The following ZDHHC18 variants were observed in gnomAD, a reference collection of about 807,000 sequenced individuals.
ZDHHC18 encodes zDHHC palmitoyltransferase 18.
ZDHHC18 carries 23 observed loss-of-function variants against 37.5 expected under a neutral mutation model. The observed-to-expected ratio is 0.61, with a 90% CI of 0.44 to 0.87. ZDHHC18 has a LOEUF of 0.87. ZDHHC18 is among the 40% of genes least tolerant of loss of function. The pLI is 0.00. For missense variants in ZDHHC18, 406 were observed against 525.6 expected (o/e 0.77, Z 2.22); for synonymous variants, 185 against 218.7 (o/e 0.85, Z 1.36).
At chr1:26,852,989 G>A (rs2081714485) in intron 7 of ZDHHC18, 124 bp downstream of exon 7, 2 of 738,820 alleles carry the variant, frequency 2.7e-6, no homozygotes, top group South Asian at 3.9e-5. Flanking sequence ...CCCCCTGGAG[G>A]GCATTTGTCA....
chr1:26,852,887 G>C (rs1254799429), intron 7 of ZDHHC18, 22 bp downstream of exon 7: 1 of 1,610,432 alleles, frequency 6.2e-7, no homozygotes, highest in Admixed American at 1.7e-5. Flanking sequence ...GGGTGCGGAA[G>C]AGGGGTAACA....
chr1:26,832,058 A>G (rs993756852), intron 1 of ZDHHC18: 1 of 166,682 alleles, frequency 6.0e-6, no homozygotes, highest in African/African-American at 2.4e-5. Flanking sequence ...ACCTCAGTAA[A>G]TATTTGTGGA....
intron 2 of ZDHHC18, among the ~76,000 whole-genome samples, chr1:26,837,940 G>C (rs563314615): frequency 6.6e-6 from 1 of 151,976 alleles, no homozygotes; most frequent in Non-Finnish European, 1.5e-5. Context: ...GCCTGCCGTG[G>C]TGAGCCAGAG....
chr1:26,828,889 G>T (rs1373375005), intron 1 of ZDHHC18, among the ~76,000 whole-genome samples: 1 of 152,112 alleles, frequency 6.6e-6, no homozygotes, highest in Non-Finnish European at 1.5e-5. Flanking sequence ...CAGGGCTGCA[G>T]CCGAGGCAGG....
intron 2 of ZDHHC18, among the ~76,000 whole-genome samples, chr1:26,835,800 G>A (rs890791516): frequency 7.2e-5 from 11 of 152,224 alleles, no homozygotes; most frequent in Non-Finnish European, 1.6e-4. Context: ...GAGGCAGGTG[G>A]TGCTGTTCAT....
intron 3 of ZDHHC18, among the ~76,000 whole-genome samples, chr1:26,849,578 A>G (rs2081690959): frequency 1.3e-5 from 2 of 152,242 alleles, no homozygotes; most frequent in Admixed American, 6.5e-5. Context: ...TGGCCTTGGC[A>G]TGAGGCCTGC....
chr1:26,830,121 A>G (rs2081581130), intron 1 of ZDHHC18, among the ~76,000 whole-genome samples: 4 of 152,208 alleles, frequency 2.6e-5, no homozygotes, highest in Admixed American at 1.3e-4. Flanking sequence ...GCATCTGATG[A>G]CGGAGACTTC....
At chr1:26,847,535 G>A (rs2081676693) in intron 2 of ZDHHC18, among the ~76,000 whole-genome samples, 1 of 152,126 alleles carries the variant, frequency 6.6e-6, no homozygotes, top group South Asian at 2.1e-4. Context: ...TTAATCTGTA[G>A]TCAGATTTCC....
At chr1:26,852,995 T>TAGGGTGTAGGGG in intron 7 of ZDHHC18, 130 bp downstream of exon 7, 7 of 704,094 alleles carry the variant, frequency 9.9e-6, no homozygotes, top group East Asian at 2.8e-5. Context: ...GGAGGGCATT[T>TAGGGTGTAGGGG]GTCATGTGAC....
intron 2 of ZDHHC18, among the ~76,000 whole-genome samples, chr1:26,835,809 A>G (rs1009225708): frequency 6.6e-6 from 1 of 152,200 alleles, no homozygotes; most frequent in Admixed American, 6.5e-5. Flanking sequence ...GGTGCTGTTC[A>G]TGTGAGCATG....
At chr1:26,827,381 TC>T (rs2124242606) in intron 1 of ZDHHC18, among the ~76,000 whole-genome samples, 1 of 90,612 alleles carries the variant, frequency 1.1e-5, no homozygotes, top group East Asian at 3.7e-4. Context: ...CCCTCCACCC[TC>T]CCAGCCCCTC....
At chr1:26,837,475 A>G (rs1267991285) in intron 2 of ZDHHC18, among the ~76,000 whole-genome samples, 1 of 147,156 alleles carries the variant, frequency 6.8e-6, no homozygotes, top group African/African-American at 2.5e-5. Context: ...TTATTTATTT[A>G]TTTATTTATT....
At chr1:26,845,986 T>C (rs1383615746) in intron 2 of ZDHHC18, among the ~76,000 whole-genome samples, 1 of 151,982 alleles carries the variant, frequency 6.6e-6, no homozygotes, top group African/African-American at 2.4e-5. Context: ...CTACTGGGAT[T>C]TTTGACTAGG....
chr1:26,851,080 C>T, intron 5 of ZDHHC18, 49 bp from the exon 6 acceptor site: 1 of 1,532,936 alleles, frequency 6.5e-7, no homozygotes, highest in Non-Finnish European at 9.0e-7. Context: ...CCAGGTGTGG[C>T]TGGGAGGCTC....
At position 26,856,753 on chromosome 1, in the gene ZDHHC18, C is replaced by T. The variant is rs535818597; in HGVS notation, c.*2910C>T. ...AGGCAGGTGCTGTGGCAGCACCTCT[C>T]CCCACCACCGGGGCCCCTGCAGGCC... On this transcript the variant is annotated 3_prime_UTR_variant, in exon 8 of 8. Transcript: ENST00000374142. The surrounding 1 kb of genome is among the most constrained non-coding windows in gnomAD (Gnocchi z 5.2). 1.3e-5 allele frequency: 2 copies of T among 153,556 alleles called. No individual in the cohort carries two copies. The highest frequency in any genetic ancestry group is 6.5e-5 in the Admixed American group (1 of 15,388). 9.5% of individuals were successfully genotyped at this position (153,556 alleles called of 1,614,324 possible).
At chr1:26,839,813 G>A (rs561560720) in intron 2 of ZDHHC18, among the ~76,000 whole-genome samples, 1 of 152,230 alleles carries the variant, frequency 6.6e-6, no homozygotes, top group Non-Finnish European at 1.5e-5. Flanking sequence ...GGAGGAGCAG[G>A]TTGAGGAGGA....
At position 26,826,779 on chromosome 1, in the gene ZDHHC18, C is replaced by A. The variant is rs1407296672; in HGVS notation, c.-26C>A. The A allele has an allele frequency of 9.3e-6, 9 of 971,330 alleles. No homozygotes were observed. Among genetic ancestry groups the A allele is most frequent in the Non-Finnish European group, 1.1e-5 (9 of 819,428 alleles). 60.2% of individuals were successfully genotyped at this position (971,330 alleles called of 1,614,324 possible). ...AGTGGCCCGGCCGGCCCGCGGGGCG[C>A]GGAGCCGAGGCCCGCGGCTGGCTGC... On this transcript the variant is annotated 5_prime_UTR_variant, in exon 1 of 8. Coordinates refer to ENST00000374142, the MANE Select transcript of ZDHHC18 (RefSeq NM_032283.3). This position sits in a 1 kb window ranked among gnomAD's most constrained non-coding sequence, Gnocchi z 5.2.
chr1:26,843,895 C>T (rs1219499290), intron 2 of ZDHHC18, among the ~76,000 whole-genome samples: 1 of 152,150 alleles, frequency 6.6e-6, no homozygotes, highest in Non-Finnish European at 1.5e-5. Flanking sequence ...ATATGACTGG[C>T]ATCCCAGGAG....
At position 26,855,376 on chromosome 1, in the gene ZDHHC18, C is replaced by T. The variant is rs544040636; in HGVS notation, c.*1533C>T. On this transcript the variant is annotated 3_prime_UTR_variant, in exon 8 of 8. Transcript: ENST00000374142. ...GGCCGGAAACTCAGAGGATGTTTCT[C>T]CTCTGCTGGGAGCTGTAGTTTCTTA... 2.0e-5 allele frequency: 3 copies of T among 152,724 alleles called. No homozygotes were observed. Among genetic ancestry groups the T allele is most frequent in the South Asian group, 4.1e-4 (2 of 4,832 alleles). The allele number at this position is 152,724 out of a possible 1,614,324, so 9.5% of individuals were successfully genotyped here.
Sources: gnomAD v4.1 joint callset for allele counts (sites outside exome capture counted in the v4.1 genomes callset) on GRCh38, gnomAD v4.1.1 for gene constraint, Gnocchi (gnomAD v3.1) non-coding constraint, MANE v1.5 for transcripts, NCBI Gene and HGNC (gene_info 2026-07-23, HGNC 2026-07-21) for gene names.